SPRY4: variants seen among roughly 807,000 people sequenced by gnomAD.
SPRY4 encodes the protein protein sprouty homolog 4.
SPRY4 carries 7 observed loss-of-function variants against 17.0 expected under a neutral mutation model. That is an observed-to-expected ratio of 0.41 (90% CI 0.23 to 0.77). The LOEUF (loss-of-function observed/expected upper bound fraction) is 0.77. Among genes scored for constraint, SPRY4 ranks in the 30% least tolerant of loss-of-function variants. The probability of loss-of-function intolerance (pLI) is 0.32; values close to 1 mark genes in which losing one functional copy is unlikely to be tolerated. For missense variants in SPRY4, 435 were observed against 419.9 expected (o/e 1.04, Z -0.31); for synonymous variants, 183 against 174.1 (o/e 1.05, Z -0.40).
Position 142,312,812 on chromosome 5 carries a change from G to A in SPRY4, c.*1397C>T, listed in dbSNP as rs1434408563. On this transcript the variant is annotated 3_prime_UTR_variant, in exon 2 of 2. Coordinates refer to ENST00000434127, the MANE Select transcript of SPRY4 (RefSeq NM_001127496.3). ...GCACCTTGAGAGAAAGAGTTGCTAC[G>A]TCTTTGAGGGCTGTCGGGAGAGGGT... The A allele has an allele frequency of 5.2e-5, 8 of 152,654 alleles. No individual in the cohort carries two copies. Among genetic ancestry groups the A allele is most frequent in the South Asian group, 2.1e-4 (1 of 4,832 alleles). The allele number at this position is 152,654 out of a possible 1,614,324, so 9.5% of individuals were successfully genotyped here.
intron 1 of SPRY4, 43 bp from the exon 2 acceptor site, chr5:142,315,198 G>T (rs970366874): frequency 1.5e-6 from 2 of 1,320,814 alleles, no homozygotes; most frequent in African/African-American, 1.4e-5. Flanking sequence ...TGGATTCCAG[G>T]CATCAGTATG....
chr5:142,314,539 GGCTGA>G lies in SPRY4; in HGVS notation c.565_569del (p.Ser189ProfsTer23). On this transcript the variant is annotated frameshift_variant, in exon 2 of 2. Coordinates refer to ENST00000434127, the MANE Select transcript of SPRY4 (RefSeq NM_001127496.3). LOFTEE classifies it high-confidence loss of function. This position sits in a 1 kb window ranked among gnomAD's most constrained non-coding sequence, Gnocchi z 4.8. ...ACGTGCCATAGTTGACCAGAGTCTG[GGCTGA>G]GCACAGGCACTCCTGGTTGCAGACC... is the stretch of plus-strand genomic sequence containing the variant. 1 of 1,614,226 alleles carries G rather than the reference GGCTGA, an allele frequency of 6.2e-7. No homozygotes were observed. The highest frequency in any genetic ancestry group is 1.3e-5 in the African/African-American group (1 of 75,054).
chr5:142,324,363 G>A (rs1180371506), intron 1 of SPRY4: 1 of 152,282 alleles, frequency 6.6e-6, no homozygotes, highest in Non-Finnish European at 1.5e-5. Flanking sequence ...AGGCCGCTAC[G>A]GCGGGCTGGG....
intron 1 of SPRY4, among the ~76,000 whole-genome samples, chr5:142,315,989 C>T (rs546936623): frequency 2.6e-5 from 4 of 152,198 alleles, no homozygotes; most frequent in African/African-American, 9.6e-5. Flanking sequence ...GTATCTGATG[C>T]CTGCACATCC....
Position 142,311,056 on chromosome 5 carries a change from A to G in SPRY4, c.*3153T>C, listed in dbSNP as rs1030628291. ...TATCTAGCTGGGCCTCACTCGAGGT[A>G]TGATGGCGACTGACAGGCTCCACAA... On this transcript the variant is annotated 3_prime_UTR_variant, in exon 2 of 2. Transcript: ENST00000434127. 2.6e-5 allele frequency: 4 copies of G among 152,208 alleles called. No individual in the cohort carries two copies. The highest frequency in any genetic ancestry group is 9.7e-5 in the African/African-American group (4 of 41,450). 9.4% of individuals were successfully genotyped at this position (152,208 alleles called of 1,614,324 possible).
intron 1 of SPRY4, chr5:142,317,176 G>T: frequency 4.1e-6 from 4 of 985,464 alleles, no homozygotes; most frequent in Non-Finnish European, 4.8e-6. Context: ...CTATGGAGAG[G>T]AGTTTTTCCA....
intron 1 of SPRY4, chr5:142,315,766 A>G (rs1759129209): frequency 6.6e-6 from 1 of 152,412 alleles, no homozygotes; most frequent in African/African-American, 2.4e-5. Context: ...ACTATCTATT[A>G]CCTAGCATAT....
At chr5:142,317,331 C>A in intron 1 of SPRY4, 7 of 985,432 alleles carry the variant, frequency 7.1e-6, no homozygotes, top group Non-Finnish European at 8.4e-6. Flanking sequence ...AGGTCCAGCA[C>A]TGAGGACGCT....
At position 142,314,997 on chromosome 5, in the gene SPRY4, G is replaced by C. The variant is rs1371768450; in HGVS notation, c.112C>G (p.Leu38Val). 1.2e-6 allele frequency: 2 copies of C among 1,614,000 alleles called. No homozygotes were observed. Among genetic ancestry groups the C allele is most frequent in the East Asian group, 2.2e-5 (1 of 44,878 alleles). ...HSRLQHPLTILPIDQVKTSHV... is the reference protein window; with the variant it reads ...HSRLQHPLTIVPIDQVKTSHV... ...CTGGTCTTCACCTGGTCAATGGGTA[G>C]GATGGTGAGTGGGTGCTGGAGCCGG... The change falls in exon 2 of 2, where the codon CTA (leucine) becomes GTA (valine). Residue 38 changes from leucine (L) to valine (V), a missense_variant. Leu to Val is a conservative substitution (Grantham distance 32). Coordinates refer to ENST00000434127, the MANE Select transcript of SPRY4 (RefSeq NM_001127496.3). This position sits in a 1 kb window ranked among gnomAD's most constrained non-coding sequence, Gnocchi z 4.8.
At chr5:142,322,483 A>AAAAATATAT (rs79291595) in intron 1 of SPRY4, among the ~76,000 whole-genome samples, 91 of 117,538 alleles carry the variant, frequency 7.7e-4, no homozygotes, top group African/African-American at 2.3e-3. Flanking sequence ...AAAAAAAAAA[A>AAAAATATAT]ATATATATAT....
intron 1 of SPRY4, among the ~76,000 whole-genome samples, chr5:142,320,922 C>T (rs945847682): frequency 2.0e-5 from 3 of 152,230 alleles, no homozygotes; most frequent in Non-Finnish European, 2.9e-5. Context: ...TGGCCACCTG[C>T]CCCGAAGGGC....
chr5:142,314,488 G>A lies in SPRY4; in HGVS notation c.621C>T (p.Phe207=), dbSNP rs1158091841. 16 of 1,614,210 alleles carry A rather than the reference G, an allele frequency of 9.9e-6. No individual in the cohort carries two copies. Among genetic ancestry groups the A allele is most frequent in the Non-Finnish European group, 1.3e-5 (15 of 1,180,042 alleles). ...CATCGTCCTCATTCGTGCAGTGGTA[G>A]AAGATGCCCTGCACCAAACACATGC... The part of the protein sequence containing the change: ...GTCMCLVQGI[F]YHCTNEDDEG... Residue 207 remains phenylalanine, a synonymous_variant, in exon 2 of 2, where the codon TTC becomes TTT. Coordinates refer to ENST00000434127, the MANE Select transcript of SPRY4 (RefSeq NM_001127496.3). The surrounding 1 kb of genome is among the most constrained non-coding windows in gnomAD (Gnocchi z 4.8).
Position 142,311,646 on chromosome 5 carries a change from C to CAA in SPRY4, c.*2561_*2562dup, listed in dbSNP as rs1758915875. ...AAAACAATGCTGAGGGATTGCTACA[C>CAA]AACCAAGCTGGGAGAACCAAGGATG... On this transcript the variant is annotated 3_prime_UTR_variant, in exon 2 of 2. Transcript: ENST00000434127. The CAA allele has an allele frequency of 6.9e-6, 1 of 144,662 alleles. No individual in the cohort carries two copies. The allele number at this position is 144,662 out of a possible 1,614,324, so 9.0% of individuals were successfully genotyped here. A position where few individuals can be genotyped will look rare whatever the true frequency, so the allele number is the denominator to read the frequency against.
Position 142,314,930 on chromosome 5 carries a change from A to C in SPRY4, c.179T>G (p.Leu60Arg). 1 of 1,612,992 alleles carries C rather than the reference A, an allele frequency of 6.2e-7. No individual in the cohort carries two copies. Among genetic ancestry groups the C allele is most frequent in the South Asian group, 1.1e-5 (1 of 91,072 alleles). ...NDYIDNPSLALTTGPKRTRGG... is the reference protein window; with the variant it reads ...NDYIDNPSLARTTGPKRTRGG... ...CCGGGTCCGCTTTGGGCCGGTGGTC[A>C]GGGCCAGGCTAGGGTTGTCTATGTA... Residue 60 changes from leucine (L) to arginine (R), a missense_variant, in exon 2 of 2, where the codon CTG becomes CGG. Physicochemically the swap from Leu to Arg is moderately radical, Grantham distance 102. Coordinates refer to ENST00000434127, the MANE Select transcript of SPRY4 (RefSeq NM_001127496.3). The surrounding 1 kb of genome is among the most constrained non-coding windows in gnomAD (Gnocchi z 4.8).
chr5:142,320,205 G>A (rs1478311090), intron 1 of SPRY4, among the ~76,000 whole-genome samples: 1 of 152,134 alleles, frequency 6.6e-6, no homozygotes, highest in East Asian at 1.9e-4. Context: ...GGGATGCTGA[G>A]GGAAGCAGAG....
chr5:142,321,697 T>C (rs1432645944), intron 1 of SPRY4, among the ~76,000 whole-genome samples: 1 of 152,220 alleles, frequency 6.6e-6, no homozygotes, highest in African/African-American at 2.4e-5. Context: ...TGACAAACAC[T>C]GTGGATTTAG....
At chr5:142,319,691 T>G in intron 1 of SPRY4, 1 of 1,593,714 alleles carries the variant, frequency 6.3e-7, no homozygotes, top group Non-Finnish European at 8.5e-7. Flanking sequence ...ATTTGCTGCT[T>G]GGCGGGTCTG....
At chr5:142,318,727 G>C (rs560059825) in intron 1 of SPRY4, among the ~76,000 whole-genome samples, 3 of 152,184 alleles carry the variant, frequency 2.0e-5, no homozygotes, top group Admixed American at 6.5e-5. Flanking sequence ...CAATTTGGAA[G>C]ACACTGGACA....
intron 1 of SPRY4, among the ~76,000 whole-genome samples, chr5:142,318,740 G>A (rs762098940): frequency 2.1e-4 from 32 of 152,110 alleles, no homozygotes; most frequent in Non-Finnish European, 3.5e-4. Flanking sequence ...ACTGGACAGA[G>A]AAACAAACCC....
Sources: allele counts gnomAD v4.1 joint callset (sites outside exome capture counted in the v4.1 genomes callset), GRCh38; gene constraint gnomAD v4.1.1; non-coding constraint Gnocchi (gnomAD v3.1); transcripts MANE v1.5; gene names NCBI Gene and HGNC (gene_info 2026-07-23, HGNC 2026-07-21).